KNTC1: variants seen among roughly 807,000 people sequenced by gnomAD.
The protein encoded by KNTC1 is kinetochore associated 1, also known as kinetochore-associated protein 1.
Under a neutral mutation model 314.4 loss-of-function variants are expected in KNTC1, and 253 were observed. The ratio of observed to expected loss-of-function variants is 0.80; its 90% CI spans 0.73 to 0.89. The LOEUF (loss-of-function observed/expected upper bound fraction) is 0.89. Ranked by LOEUF, KNTC1 falls within the 40% of genes least tolerant of loss-of-function variation. The pLI, the probability that KNTC1 is intolerant of heterozygous loss-of-function variation, is 0.00. For synonymous variants in KNTC1, 901 were observed against 901.4 expected (o/e 1.00, Z 0.01); for missense variants, 2,475 against 2,572.9 (o/e 0.96, Z 0.82).
chr12:122,555,620 C>T (rs562868934), intron 16 of KNTC1, among the ~76,000 whole-genome samples: 3 of 152,006 alleles, frequency 2.0e-5, no homozygotes, highest in South Asian at 2.1e-4. Flanking sequence ...AAGGCCAGGG[C>T]GGGCAGATCA....
intron 17 of KNTC1, 25 bp downstream of exon 17, chr12:122,557,534 C>T: frequency 1.2e-6 from 2 of 1,612,148 alleles, no homozygotes; most frequent in South Asian, 1.1e-5. Context: ...TCACATACTA[C>T]AGTATTTAGA....
intron 32 of KNTC1, 54 bp from the exon 33 acceptor site, chr12:122,580,549 C>G (rs563580884): frequency 1.8e-6 from 2 of 1,102,756 alleles, no homozygotes; most frequent in East Asian, 5.3e-5. Flanking sequence ...TTTTAAAATT[C>G]TGATAATATG....
chr12:122,584,327 C>T lies in KNTC1; in HGVS notation c.3313C>T (p.Leu1105=). 6.2e-7 allele frequency: 1 copy of T among 1,613,610 alleles called. No individual in the cohort carries two copies. The highest frequency in any genetic ancestry group is 1.1e-5 in the South Asian group (1 of 91,056). The part of the protein sequence containing the change: ...CNADTGKLLF[L]TCQKLCQMLA... ...TGCTGACACTGGGAAATTGCTATTT[C>T]TGACATGTCAGAAGCTTTGTCAGAT... is the stretch of plus-strand genomic sequence containing the variant. Residue 1105 remains leucine, a synonymous_variant, in exon 35 of 64, where the codon CTG becomes TTG. Transcript: ENST00000333479.
chr12:122,566,879 G>A (rs551147189), intron 20 of KNTC1, among the ~76,000 whole-genome samples: 2 of 150,694 alleles, frequency 1.3e-5, no homozygotes, highest in South Asian at 2.1e-4. Context: ...AAGTAGCTGG[G>A]ATTACAGGTG....
At chr12:122,589,113 T>C (rs910985784) in intron 40 of KNTC1, among the ~76,000 whole-genome samples, 1 of 151,972 alleles carries the variant, frequency 6.6e-6, no homozygotes, top group African/African-American at 2.4e-5. Context: ...CAGGCTGGAG[T>C]GCAGTAGTAT....
Position 122,569,842 on chromosome 12 carries a change from T to G in KNTC1, c.1860+18T>G. 1 of 1,593,050 alleles carries G rather than the reference T, an allele frequency of 6.3e-7. No homozygotes were observed. Among genetic ancestry groups the G allele is most frequent in the South Asian group, 1.1e-5 (1 of 87,616 alleles). On this transcript the variant is annotated intron_variant, in intron 22 of 63. Transcript: ENST00000333479. ...AAGGACAGGTGAGTTGTCTTCAGTA[T>G]TTCCACTCTTGATGACTTTATTTCA... is the stretch of plus-strand genomic sequence containing the variant.
chr12:122,535,152 CTA>C (rs1170865163), intron 3 of KNTC1, among the ~76,000 whole-genome samples: 13 of 152,284 alleles, frequency 8.5e-5, no homozygotes, highest in African/African-American at 3.1e-4. Context: ...TAATAGCTCT[CTA>C]AAAATCCTTT....
intron 16 of KNTC1, among the ~76,000 whole-genome samples, chr12:122,552,107 C>T (rs1387735274): frequency 1.3e-5 from 2 of 152,018 alleles, no homozygotes; most frequent in East Asian, 3.9e-4. Context: ...GGGGTTTCAC[C>T]ATTTTGGCCA....
rs1023727279 is a variant in KNTC1, at chr12:122,531,791, T to C, written c.129+1599T>C. 2.0e-5 allele frequency among the ~76,000 whole-genome samples: 3 copies of C among 152,154 alleles called. No individual in the cohort carries two copies. The East Asian group carries it at 5.8e-4, about 29-fold the overall frequency. On this transcript the variant is annotated intron_variant, in intron 2 of 63. Coordinates refer to ENST00000333479, the MANE Select transcript of KNTC1 (RefSeq NM_014708.6). ...CTCTGTCGCCCAGGCTGGAGTACAG[T>C]GGCATGATCTCAGCTCACTGCAAGC...
chr12:122,572,146 C>G (rs1437482928), intron 24 of KNTC1, among the ~76,000 whole-genome samples: 1 of 152,062 alleles, frequency 6.6e-6, no homozygotes, highest in African/African-American at 2.4e-5. Context: ...AATCCCAGCA[C>G]TTTGGGAGGC....
chr12:122,578,922 A>G (rs542998054), intron 31 of KNTC1, among the ~76,000 whole-genome samples: 7 of 151,726 alleles, frequency 4.6e-5, no homozygotes, highest in Non-Finnish European at 8.8e-5. Context: ...CTCCTTATGT[A>G]TTAAGTTCAA....
At chr12:122,528,160 AT>A (rs1183420474) in intron 1 of KNTC1, among the ~76,000 whole-genome samples, 1 of 152,224 alleles carries the variant, frequency 6.6e-6, no homozygotes, top group Non-Finnish European at 1.5e-5. Flanking sequence ...ATAAGTAAAT[AT>A]GGCAGTTACG....
At chr12:122,554,409 T>C (rs949139573) in intron 16 of KNTC1, among the ~76,000 whole-genome samples, 2 of 151,910 alleles carry the variant, frequency 1.3e-5, no homozygotes, top group Admixed American at 1.3e-4. Flanking sequence ...TGTTTAGAAA[T>C]GTATACAAGT....
At chr12:122,604,784 G>T in intron 49 of KNTC1, 93 bp from the exon 50 acceptor site, 2 of 1,311,388 alleles carry the variant, frequency 1.5e-6, no homozygotes, top group East Asian at 2.5e-5. Context: ...AACTGAGGAA[G>T]GGGGGAGGGA....
intron 29 of KNTC1, 112 bp downstream of exon 29, chr12:122,576,011 C>T (rs1369578793): frequency 1.6e-6 from 2 of 1,273,834 alleles, no homozygotes; most frequent in Non-Finnish European, 2.1e-6. Context: ...TTTTCCACTA[C>T]ATTTCTTTTG....
chr12:122,610,721 G>T, intron 52 of KNTC1, 101 bp from the exon 53 acceptor site: 1 of 725,200 alleles, frequency 1.4e-6, no homozygotes, highest in South Asian at 1.6e-5. Flanking sequence ...ATCTGCCTTT[G>T]AGTTGTCTAA....
At chr12:122,601,743 G>C (rs1871943990) in intron 45 of KNTC1, 118 bp downstream of exon 45, 2 of 1,015,968 alleles carry the variant, frequency 2.0e-6, no homozygotes, top group African/African-American at 1.7e-5. Flanking sequence ...AAACTCTGTG[G>C]TTTATTTTAG....
chr12:122,582,944 C>T lies in KNTC1; in HGVS notation c.3222C>T (p.Ala1074=). 1 of 1,613,078 alleles carries T rather than the reference C, an allele frequency of 6.2e-7. No homozygotes were observed. Among genetic ancestry groups the T allele is most frequent in the Non-Finnish European group, 8.5e-7 (1 of 1,179,494 alleles). ...QELEAELTLR[A]LKDGNIKTAL... is the part of the protein sequence containing the mutation. Reference sequence around the variant, plus strand: ...TGGAGGCAGAGCTGACCTTGAGAGCCTTAAAAGATGGGAACATCAAAACAG... The same window carrying T: ...TGGAGGCAGAGCTGACCTTGAGAGCTTTAAAAGATGGGAACATCAAAACAG... The change falls in exon 34 of 64, where the codon GCC becomes GCT. Residue 1074 remains alanine (A), a synonymous_variant. Transcript: ENST00000333479.
chr12:122,612,289 C>A (rs1232575428), intron 53 of KNTC1, among the ~76,000 whole-genome samples: 1 of 152,046 alleles, frequency 6.6e-6, no homozygotes, highest in African/African-American at 2.4e-5. Flanking sequence ...TGGTCTCGAA[C>A]TCCTGACCTC....
Sources: gnomAD v4.1 joint callset for allele counts (sites outside exome capture counted in the v4.1 genomes callset) on GRCh38, gnomAD v4.1.1 for gene constraint, MANE v1.5 for transcripts, NCBI Gene and HGNC (gene_info 2026-07-23, HGNC 2026-07-21) for gene names.